ACSS3: variants seen among roughly 807,000 people sequenced by gnomAD.
ACSS3 encodes acyl-CoA synthetase short-chain family member 3, mitochondrial.
Under a neutral mutation model 84.2 loss-of-function variants are expected in ACSS3, and 64 were observed. The ratio of observed to expected loss-of-function variants is 0.76; its 90% CI spans 0.62 to 0.94. ACSS3 has a LOEUF of 0.94. Ranked by LOEUF, ACSS3 falls within the 40% of genes least tolerant of loss-of-function variation. The probability of loss-of-function intolerance (pLI) is 0.00; values close to 1 mark genes in which losing one functional copy is unlikely to be tolerated. For missense variants in ACSS3, 815 were observed against 867.6 expected, an observed-to-expected ratio of 0.94 and a Z score of 0.76; for synonymous variants, 317 against 310.1, an observed-to-expected ratio of 1.02 and a Z score of -0.23.
At chr12:81,198,122 C>T (rs1189667881) in intron 8 of ACSS3, among the ~76,000 whole-genome samples, 2 of 152,170 alleles carry the variant, frequency 1.3e-5, no homozygotes, top group Non-Finnish European at 2.9e-5. Context: ...ACCAACATGA[C>T]TCTTCTTTCA....
chr12:81,081,919 T>A lies in ACSS3; in HGVS notation c.311+3488T>A, dbSNP rs1881003001. Among the ~76,000 whole-genome samples, 9 of 152,200 alleles carry A rather than the reference T, an allele frequency of 5.9e-5. 1 individual carries two copies. In the South Asian group the frequency reaches 1.9e-3, roughly 31 times the overall value. ...ACTAGCTGAGATTAAGGTTGTTTAA[T>A]CCTGCCAAGTCTTAAAATGGCTTTT... On this transcript the variant is annotated intron_variant, in intron 1 of 15. Coordinates refer to ENST00000548058, the MANE Select transcript of ACSS3 (RefSeq NM_024560.4).
chr12:81,093,406 C>G (rs531765353), intron 1 of ACSS3, among the ~76,000 whole-genome samples: 1 of 151,578 alleles, frequency 6.6e-6, no homozygotes, highest in African/African-American at 2.4e-5. Flanking sequence ...TGAGCCGAGA[C>G]TGCACCAATG....
intron 11 of ACSS3, among the ~76,000 whole-genome samples, chr12:81,223,159 C>T (rs1439830464): frequency 6.6e-6 from 1 of 152,026 alleles, no homozygotes; most frequent in Non-Finnish European, 1.5e-5. Context: ...AGCCATAGGT[C>T]TCTGGCTCTT....
chr12:81,088,655 A>G (rs997312338), intron 1 of ACSS3, among the ~76,000 whole-genome samples: 3 of 152,080 alleles, frequency 2.0e-5, no homozygotes, highest in Non-Finnish European at 4.4e-5. Context: ...GCCTAAACTT[A>G]TAAAACTAGT....
At chr12:81,156,206 A>ACAC (rs1555176593) in intron 7 of ACSS3, among the ~76,000 whole-genome samples, 1 of 120,228 alleles carries the variant, frequency 8.3e-6, no homozygotes, top group South Asian at 2.5e-4. Flanking sequence ...ACACACACAC[A>ACAC]CCCCACACAC....
intron 2 of ACSS3, among the ~76,000 whole-genome samples, chr12:81,122,173 T>C (rs1488992336): frequency 6.6e-6 from 1 of 152,008 alleles, no homozygotes; most frequent in Non-Finnish European, 1.5e-5. Flanking sequence ...CCTCTTGATC[T>C]GCCCTCCTTG....
At chr12:81,212,146 T>G (rs2135929224) in intron 9 of ACSS3, among the ~76,000 whole-genome samples, 1 of 152,312 alleles carries the variant, frequency 6.6e-6, no homozygotes, top group African/African-American at 2.4e-5. Context: ...GTTTCCTTTT[T>G]CCGTTAGTAT....
chr12:81,185,116 A>G lies in ACSS3; in HGVS notation c.1250+10177A>G, dbSNP rs181866204. Among the ~76,000 whole-genome samples, 131 of 151,940 alleles carry G rather than the reference A, an allele frequency of 8.6e-4. No homozygotes were observed. The Middle Eastern group carries it at 0.014, about 16-fold the overall frequency. On this transcript the variant is annotated intron_variant, in intron 8 of 15. Transcript: ENST00000548058. ...TGTGATACATCACATTAACAGGATC[A>G]TCATAATTAACATAAAAAAAGCATT... is the stretch of plus-strand genomic sequence containing the variant.
chr12:81,118,457 T>A (rs1884248015), intron 2 of ACSS3, among the ~76,000 whole-genome samples: 1 of 152,168 alleles, frequency 6.6e-6, no homozygotes, highest in African/African-American at 2.4e-5. Context: ...GCTATTTTAA[T>A]ATCCACACAG....
chr12:81,094,644 T>C (rs1881906575), intron 1 of ACSS3: 1 of 152,208 alleles, frequency 6.6e-6, no homozygotes, highest in South Asian at 2.1e-4. Flanking sequence ...AATGAGTTAA[T>C]GAATATGCTC....
chr12:81,091,247 T>A (rs1881651889), intron 1 of ACSS3, among the ~76,000 whole-genome samples: 1 of 151,932 alleles, frequency 6.6e-6, no homozygotes, highest in Non-Finnish European at 1.5e-5. Context: ...TATCAGATTG[T>A]CATCTTTTAG....
intron 11 of ACSS3, 22 bp from the exon 12 acceptor site, chr12:81,231,034 TA>T: frequency 6.4e-7 from 1 of 1,570,754 alleles, no homozygotes; most frequent in Non-Finnish European, 8.7e-7. Flanking sequence ...ATCATAATTT[TA>T]ACTTCTCTGT....
intron 7 of ACSS3, among the ~76,000 whole-genome samples, chr12:81,159,012 T>C (rs1016204346): frequency 6.6e-6 from 1 of 152,202 alleles, no homozygotes; most frequent in Non-Finnish European, 1.5e-5. Context: ...GTTAAATAAA[T>C]GCCTGAATGA....
rs532563888 is a variant in ACSS3 at position 81,129,748 on chromosome 12, T to C, written c.457-5068T>C. Among the ~76,000 whole-genome samples the C allele has an allele frequency of 7.2e-5, 11 of 151,952 alleles. No homozygotes were observed. The South Asian group carries it at 1.9e-3, about 26-fold the overall frequency. Reference sequence around the variant, plus strand: ...CCATTAACTCATCATTTACATTAGGTATTTCTCTTAATGCTATCCCTCTCC... The same window carrying C: ...CCATTAACTCATCATTTACATTAGGCATTTCTCTTAATGCTATCCCTCTCC... On this transcript the variant is annotated intron_variant, in intron 2 of 15. Coordinates refer to ENST00000548058, the MANE Select transcript of ACSS3 (RefSeq NM_024560.4).
intron 13 of ACSS3, 113 bp downstream of exon 13, chr12:81,233,584 AG>A: frequency 7.3e-7 from 1 of 1,367,092 alleles, no homozygotes; most frequent in Non-Finnish European, 1.0e-6. Flanking sequence ...CATTTGCAGC[AG>A]AGGCTAGGTT....
chr12:81,119,668 G>A (rs1395247677), intron 2 of ACSS3, among the ~76,000 whole-genome samples: 1 of 152,044 alleles, frequency 6.6e-6, no homozygotes. Context: ...GGCTGTCTAT[G>A]CTATATGGCT....
intron 7 of ACSS3, among the ~76,000 whole-genome samples, chr12:81,163,101 C>T (rs1887235203): frequency 6.6e-6 from 1 of 151,924 alleles, no homozygotes; most frequent in South Asian, 2.1e-4. Flanking sequence ...TCCAGATGGG[C>T]CACTGCTGCT....
At chr12:81,159,780 C>A in intron 7 of ACSS3, among the ~76,000 whole-genome samples, 1 of 152,318 alleles carries the variant, frequency 6.6e-6, no homozygotes. Flanking sequence ...AGTGTGTATG[C>A]GCATTCACAT....
At chr12:81,227,955 GC>G (rs1257509342) in intron 11 of ACSS3, among the ~76,000 whole-genome samples, 1 of 151,604 alleles carries the variant, frequency 6.6e-6, no homozygotes, top group African/African-American at 2.4e-5. Context: ...ATATTTAATA[GC>G]AATCACCTCT....
Sources: gnomAD v4.1 joint callset for allele counts (sites outside exome capture counted in the v4.1 genomes callset) on GRCh38, gnomAD v4.1.1 for gene constraint, MANE v1.5 for transcripts, NCBI Gene and HGNC (gene_info 2026-07-23, HGNC 2026-07-21) for gene names.